HMCES: variants seen among roughly 807,000 people sequenced by gnomAD.
The protein encoded by HMCES is 5-hydroxymethylcytosine binding, ES cell specific.
A neutral mutation model predicts 35.1 loss-of-function variants in HMCES; 27 were observed. That is an observed-to-expected ratio of 0.77 (90% CI 0.57 to 1.06). The LOEUF (loss-of-function observed/expected upper bound fraction) is 1.06, where lower values mean the gene tolerates loss of function less well. HMCES is among the 50% of genes least tolerant of loss of function. The probability of loss-of-function intolerance (pLI) is 0.00; values close to 1 mark genes in which losing one functional copy is unlikely to be tolerated. For synonymous variants in HMCES, 130 were observed against 154.7 expected (o/e 0.84, Z 1.18); for missense variants, 391 against 430.4 (o/e 0.91, Z 0.81).
Position 129,279,810 on chromosome 3 carries a change from G to C in HMCES, c.78G>C (p.Gln26His), listed in dbSNP as rs756571053. 1.7e-5 allele frequency: 27 copies of C among 1,613,352 alleles called. No individual in the cohort carries two copies. Among genetic ancestry groups the C allele is most frequent in the Non-Finnish European group, 2.3e-5 (27 of 1,179,810 alleles). ...GCGCCTACCAGGATCGGCGGGGCCA[G>C]CAGCGGCTCCCGGAGTGGAGGGACC... ...RACAYQDRRG[Q>H]QRLPEWRDPD... Residue 26 changes from glutamine to histidine, a missense_variant, in exon 2 of 7, where the codon CAG (glutamine) becomes CAC (histidine). Gln to His is a conservative substitution (Grantham distance 24, BLOSUM62 0). Coordinates refer to ENST00000383463, the MANE Select transcript of HMCES (RefSeq NM_020187.3). The surrounding 1 kb of genome is among the most constrained non-coding windows in gnomAD (Gnocchi z 4.2).
chr3:129,299,414 A>G (rs2071132791), intron 5 of HMCES, among the ~76,000 whole-genome samples: 1 of 152,160 alleles, frequency 6.6e-6, no homozygotes, highest in Admixed American at 6.6e-5. Flanking sequence ...ATTTGATTCA[A>G]TGTATAGCCT....
chr3:129,302,113 C>T lies in HMCES; in HGVS notation c.799C>T (p.Leu267=). Residue 267 remains leucine (L), a synonymous_variant, in exon 6 of 7, where the codon CTG becomes TTG. Coordinates refer to ENST00000383463, the MANE Select transcript of HMCES (RefSeq NM_020187.3). ...NNSRNNTPEC[L]APVDLVVKKE... is the part of the protein sequence containing the mutation. ...CTCGCGAAACAACACTCCTGAGTGT[C>T]TGGCTCCTGTCGACTTGGTGGTCAA... 3 of 1,613,544 alleles carry T rather than the reference C, an allele frequency of 1.9e-6. No individual in the cohort carries two copies. The South Asian group carries it at 3.3e-5, about 18-fold the overall frequency.
chr3:129,283,844 C>G (rs1468800856), intron 2 of HMCES, among the ~76,000 whole-genome samples: 1 of 152,094 alleles, frequency 6.6e-6, no homozygotes, highest in Non-Finnish European at 1.5e-5. Context: ...AAAGAAAAAT[C>G]AACCTTGAGC....
chr3:129,291,758 G>A (rs1048825308), intron 4 of HMCES, among the ~76,000 whole-genome samples: 2 of 152,086 alleles, frequency 1.3e-5, no homozygotes, highest in Non-Finnish European at 2.9e-5. Flanking sequence ...ACAACTCTAC[G>A]TTTAACATTT....
intron 6 of HMCES, among the ~76,000 whole-genome samples, chr3:129,303,917 A>T (rs1374176222): frequency 6.6e-6 from 1 of 151,090 alleles, no homozygotes; most frequent in African/African-American, 2.4e-5. Flanking sequence ...TCATTTTTTT[A>T]AATTTTTTAT....
intron 6 of HMCES, among the ~76,000 whole-genome samples, chr3:129,303,855 A>T (rs1235615397): frequency 1.3e-5 from 2 of 151,628 alleles, no homozygotes; most frequent in African/African-American, 4.8e-5. Context: ...TGATCCTCCC[A>T]CCTCAGCCTC....
chr3:129,290,595 T>C, intron 3 of HMCES, 84 bp from the exon 4 acceptor site: 3 of 1,482,698 alleles, frequency 2.0e-6, no homozygotes. Flanking sequence ...AACCTCAGAT[T>C]TTAATTCAAG....
In HMCES at chr3:129,301,498, G is replaced by C. The variant is rs2071168889; in HGVS notation, c.636-452G>C. Among the ~76,000 whole-genome samples, 3 of 152,172 alleles carry C rather than the reference G, an allele frequency of 2.0e-5. No homozygotes were observed. In the South Asian group the frequency reaches 6.2e-4, roughly 32 times the overall value. Reference sequence around the variant, plus strand: ...AGTATATTTTCCTTACATCCTCTGGGTACCAGGAGTCATGTTTGACAGCTT... The same window carrying C: ...AGTATATTTTCCTTACATCCTCTGGCTACCAGGAGTCATGTTTGACAGCTT... On this transcript the variant is annotated intron_variant, in intron 5 of 6. Coordinates refer to ENST00000383463, the MANE Select transcript of HMCES (RefSeq NM_020187.3).
intron 5 of HMCES, 70 bp downstream of exon 5, chr3:129,298,605 CT>C: frequency 7.4e-7 from 1 of 1,360,200 alleles, no homozygotes; most frequent in South Asian, 1.3e-5. Flanking sequence ...TTTTAGGTAG[CT>C]TTAGAGAGTA....
At position 129,305,597 on chromosome 3, in the gene HMCES, A is replaced by C. The variant is rs895314593; in HGVS notation, c.*772A>C. ...GACCAGTTTCTAGCAGTGTCGGGCC[A>C]CTCCTCTTTCGAACATCCCTAAGGG... On this transcript the variant is annotated 3_prime_UTR_variant, in exon 7 of 7. Coordinates refer to ENST00000383463, the MANE Select transcript of HMCES (RefSeq NM_020187.3). 1 of 152,096 alleles carries C rather than the reference A, an allele frequency of 6.6e-6. No homozygotes were observed. The highest frequency in any genetic ancestry group is 1.5e-5 in the Non-Finnish European group (1 of 68,020). The allele number at this position is 152,096 out of a possible 1,614,324, so 9.4% of individuals were successfully genotyped here.
chr3:129,290,347 T>C (rs2070994248), intron 3 of HMCES, among the ~76,000 whole-genome samples: 1 of 152,060 alleles, frequency 6.6e-6, no homozygotes, highest in Admixed American at 6.5e-5. Context: ...TGCAGTGGCA[T>C]GATCTTGGCT....
intron 4 of HMCES, among the ~76,000 whole-genome samples, chr3:129,295,519 A>G (rs573828574): frequency 6.6e-6 from 1 of 152,114 alleles, no homozygotes; most frequent in Non-Finnish European, 1.5e-5. Flanking sequence ...CCCAAATAAA[A>G]CCACACCCAT....
chr3:129,303,819 T>C (rs1441843320), intron 6 of HMCES, among the ~76,000 whole-genome samples: 4 of 152,050 alleles, frequency 2.6e-5, no homozygotes, highest in Non-Finnish European at 5.9e-5. Context: ...CATAGTTCAC[T>C]GCAGCCTCGA....
At chr3:129,301,608 G>A (rs899200767) in intron 5 of HMCES, among the ~76,000 whole-genome samples, 1 of 152,210 alleles carries the variant, frequency 6.6e-6, no homozygotes, top group African/African-American at 2.4e-5. Context: ...TGAGATTGCT[G>A]TTGATAGACA....
intron 3 of HMCES, among the ~76,000 whole-genome samples, chr3:129,290,139 C>T (rs1208258147): frequency 2.8e-5 from 4 of 142,628 alleles, no homozygotes; most frequent in Non-Finnish European, 4.5e-5. Flanking sequence ...TGCAGTGAGC[C>T]GAGATCACGC....
Position 129,298,413 on chromosome 3 carries a change from G to A in HMCES, c.513G>A (p.Trp171Ter), listed in dbSNP as rs149932972. 25 of 1,614,068 alleles carry A rather than the reference G, an allele frequency of 1.5e-5. No homozygotes were observed. Among genetic ancestry groups the A allele is most frequent in the Non-Finnish European group, 2.1e-5 (25 of 1,180,044 alleles). ...ACTGGGAGAAAGTCTGGGACAACTGGAGGCTGCTGACAATGGCCGGGATCT... is the reference window on the plus strand; with the variant it reads ...ACTGGGAGAAAGTCTGGGACAACTGAAGGCTGCTGACAATGGCCGGGATCT... ...PENWEKVWDN[W>*]RLLTMAGIFD... The change falls in exon 5 of 7, where the codon TGG becomes TGA. Residue 171 changes from tryptophan (W) to a stop codon, truncating the protein, a stop_gained. Transcript: ENST00000383463. LOFTEE classifies it high-confidence loss of function.
chr3:129,288,817 AT>A lies in HMCES; in HGVS notation c.184-35del, dbSNP rs557979559. The A allele has an allele frequency of 2.1e-3, 2,952 of 1,402,612 alleles. 6 individuals carry two copies. The highest frequency in any genetic ancestry group is 2.7e-3 in the Non-Finnish European group (2,822 of 1,048,808). The allele number at this position is 1,402,612 out of a possible 1,614,324, so 86.9% of individuals were successfully genotyped here. On this transcript the variant is annotated intron_variant, in intron 2 of 6. Transcript: ENST00000383463. ...ATATGTTAAATTAGGTTAGAATTTC[AT>A]TATGATCTCCTCACTAGATCTTCTC... is the stretch of plus-strand genomic sequence containing the variant.
chr3:129,298,266 C>A, intron 4 of HMCES, 88 bp from the exon 5 acceptor site: 3 of 1,169,786 alleles, frequency 2.6e-6, no homozygotes, highest in Non-Finnish European at 3.8e-6. Context: ...AAATGATTTC[C>A]GTGCTCTCGA....
chr3:129,283,886 G>A (rs1940564545), intron 2 of HMCES, among the ~76,000 whole-genome samples: 1 of 152,204 alleles, frequency 6.6e-6, no homozygotes, highest in African/African-American at 2.4e-5. Context: ...GCCTACCAGA[G>A]TGCCAGGATT....
Sources: allele counts gnomAD v4.1 joint callset (sites outside exome capture counted in the v4.1 genomes callset), GRCh38; gene constraint gnomAD v4.1.1; non-coding constraint Gnocchi (gnomAD v3.1); transcripts MANE v1.5; gene names NCBI Gene and HGNC (gene_info 2026-07-23, HGNC 2026-07-21).